BTD: variants seen among roughly 807,000 people sequenced by gnomAD.
BTD encodes biocytinase.
Under a neutral mutation model 17.7 loss-of-function variants are expected in BTD, and 13 were observed. The ratio of observed to expected loss-of-function variants is 0.74; its 90% CI spans 0.48 to 1.17. The LOEUF is 1.17. Ranked by LOEUF, BTD falls within the 50% of genes most tolerant of loss-of-function variation. BTD has a pLI of 0.00. For missense variants in BTD, 674 were observed against 650.4 expected (o/e 1.04, Z -0.39); for synonymous variants, 240 against 245.2 (o/e 0.98, Z 0.20).
downstream of BTD, among the ~76,000 whole-genome samples, chr3:15,655,854 G>A (rs13070012): frequency 0.66 from 100,907 of 152,126 alleles, 33,759 homozygotes; most frequent in East Asian, 0.78. Context: ...CCAGGCTGGA[G>A]TGCAGTGGCA....
chr3:15,715,876 GA>G (rs947233240), downstream of BTD, among the ~76,000 whole-genome samples: 5 of 148,688 alleles, frequency 3.4e-5, no homozygotes, highest in South Asian at 2.1e-4. Context: ...TGTTCAACCA[GA>G]AAAAAAAAGG....
downstream of BTD, among the ~76,000 whole-genome samples, chr3:15,714,284 A>C (rs1373914769): frequency 6.6e-6 from 1 of 152,162 alleles, no homozygotes; most frequent in African/African-American, 2.4e-5. Context: ...TATATAATAC[A>C]AATTATGGTA....
chr3:15,643,907 G>T (rs201562828), intron 3 of BTD, among the ~76,000 whole-genome samples: 3 of 113,098 alleles, frequency 2.7e-5, no homozygotes, highest in Admixed American at 8.4e-5. Context: ...AAAAAAAAAA[G>T]AAAAGAAAGA....
chr3:15,699,800 G>T (rs1233109475), intron 3 of BTD, among the ~76,000 whole-genome samples: 1 of 152,222 alleles, frequency 6.6e-6, no homozygotes, highest in Non-Finnish European at 1.5e-5. Flanking sequence ...GTGTAAATTA[G>T]TTCAACCATT....
chr3:15,705,751 C>A (rs2071266228), intron 3 of BTD, among the ~76,000 whole-genome samples: 1 of 152,136 alleles, frequency 6.6e-6, no homozygotes, highest in Non-Finnish European at 1.5e-5. Flanking sequence ...CCTGTAATCC[C>A]AGCATTTTGG....
intron 3 of BTD, chr3:15,690,327 C>T (rs1258440711): frequency 3.2e-6 from 3 of 926,224 alleles, no homozygotes; most frequent in Admixed American, 5.7e-5. Context: ...TATTATCCTA[C>T]TTGAGATAAT....
intron 1 of BTD, among the ~76,000 whole-genome samples, chr3:15,616,364 C>T (rs1035406528): frequency 1.3e-5 from 2 of 152,086 alleles, no homozygotes; most frequent in Non-Finnish European, 2.9e-5. Flanking sequence ...CCTGTAATCC[C>T]GGCAATTTTG....
chr3:15,676,834 GTT>G (rs1319044453), intron 3 of BTD: 31 of 580,998 alleles, frequency 5.3e-5, no homozygotes, highest in African/African-American at 3.4e-4. Context: ...TTAGAAATGA[GTT>G]TTGACAGTTG....
chr3:15,690,045 A>G, intron 3 of BTD: 1 of 1,610,812 alleles, frequency 6.2e-7, no homozygotes, highest in Non-Finnish European at 8.5e-7. Context: ...TGTCCTCTTC[A>G]AAATGTAATC....
intron 3 of BTD, chr3:15,684,763 A>G (rs549577387): frequency 2.5e-4 from 42 of 166,584 alleles, no homozygotes; most frequent in Admixed American, 1.6e-3. Flanking sequence ...CAAGCACACT[A>G]TATAAAAGCA....
intron 1 of BTD, among the ~76,000 whole-genome samples, chr3:15,632,039 A>ATGCT (rs2065223896): frequency 6.6e-6 from 1 of 151,668 alleles, no homozygotes; most frequent in African/African-American, 2.4e-5. Flanking sequence ...TGTTTCTTGC[A>ATGCT]CCCGCCCGTG....
chr3:15,718,055 T>C (rs1013314414), intron 4 of BTD, among the ~76,000 whole-genome samples: 1 of 152,188 alleles, frequency 6.6e-6, no homozygotes, highest in East Asian at 1.9e-4. Context: ...AGTGTCCCCA[T>C]AGTCAATCAA....
intron 3 of BTD, among the ~76,000 whole-genome samples, chr3:15,682,510 T>C (rs2067651552): frequency 6.6e-6 from 1 of 152,192 alleles, no homozygotes; most frequent in Non-Finnish European, 1.5e-5. Context: ...AGTCTGAGGA[T>C]GTTTAGAGCT....
intron 3 of BTD, among the ~76,000 whole-genome samples, chr3:15,706,499 T>C (rs2071435349): frequency 6.6e-6 from 1 of 152,198 alleles, no homozygotes; most frequent in Non-Finnish European, 1.5e-5. Flanking sequence ...TTGATGGACA[T>C]TTGGGGTGGT....
At chr3:15,711,366 C>A in exon 4 of BTD, 1 of 1,091,906 alleles carries the variant, frequency 9.2e-7, no homozygotes, top group East Asian at 2.5e-5. Flanking sequence ...ATCCTCCCCT[C>A]CAATCCCAAA....
intron 1 of BTD, among the ~76,000 whole-genome samples, chr3:15,605,810 G>A (rs1409260104): frequency 2.0e-5 from 3 of 152,100 alleles, no homozygotes; most frequent in African/African-American, 7.2e-5. Context: ...TTGGGAGGCC[G>A]AGGTGGGCAG....
downstream of BTD, among the ~76,000 whole-genome samples, chr3:15,716,024 C>T (rs1264060875): frequency 2.0e-4 from 30 of 150,562 alleles, 4 homozygotes; most frequent in Admixed American, 7.9e-4. Context: ...GCTTTGTTGC[C>T]CAGGCTGGAG....
intron 1 of BTD, chr3:15,602,218 C>G: frequency 3.0e-6 from 4 of 1,355,434 alleles, no homozygotes; most frequent in Non-Finnish European, 3.8e-6. Flanking sequence ...CGCTCAGAGT[C>G]AGTAGATCCA....
At chr3:15,673,695 A>G (rs2066609912) in intron 3 of BTD, among the ~76,000 whole-genome samples, 1 of 152,210 alleles carries the variant, frequency 6.6e-6, no homozygotes, top group Admixed American at 6.5e-5. Context: ...GATTTGAAAC[A>G]GGTGACGAAT....
Sources: allele counts gnomAD v4.1 joint callset (sites outside exome capture counted in the v4.1 genomes callset), GRCh38; gene constraint gnomAD v4.1.1; transcripts MANE v1.5; gene names NCBI Gene and HGNC (gene_info 2026-07-23, HGNC 2026-07-21).